UBAC2: variants seen among roughly 807,000 people sequenced by gnomAD.
UBAC2 encodes ubiquitin-associated domain-containing protein 2.
In UBAC2, 26 loss-of-function variants were observed where a neutral mutation model predicts 44.0. The ratio of observed to expected loss-of-function variants is 0.59; its 90% confidence interval spans 0.43 to 0.82. The LOEUF (loss-of-function observed/expected upper bound fraction) is 0.82. Among genes scored for constraint, UBAC2 ranks in the 40% least tolerant of loss-of-function variants. UBAC2 has a pLI of 0.00. For missense variants in UBAC2, 329 were observed against 419.4 expected (o/e 0.78, Z 1.88); for synonymous variants, 155 against 154.3 (o/e 1.00, Z -0.04).
rs142704028 is a variant in UBAC2, at chr13:99,236,694, A to G, written c.32-1733A>G. ...GTGAAACCCCGTCTCTACTAAAAAT[A>G]CAGAAATTAGCTGGGCATGGTGGTG... On this transcript the variant is annotated intron_variant, in intron 1 of 8. Transcript: ENST00000403766. Among the ~76,000 whole-genome samples the G allele has an allele frequency of 7.4e-3, 1,132 of 152,294 alleles. 10 individuals are homozygous for G. The highest frequency in any genetic ancestry group is 0.057 in the South Asian group (273 of 4,818).
At chr13:99,339,840 A>T (rs1031320904) in intron 6 of UBAC2, among the ~76,000 whole-genome samples, 1 of 152,254 alleles carries the variant, frequency 6.6e-6, no homozygotes, top group Non-Finnish European at 1.5e-5. Flanking sequence ...CACTATGTAA[A>T]TAAAAACCAA....
At chr13:99,312,433 C>CAT (rs1419259047) in intron 4 of UBAC2, among the ~76,000 whole-genome samples, 3 of 152,340 alleles carry the variant, frequency 2.0e-5, no homozygotes, top group Middle Eastern at 6.8e-3. Flanking sequence ...CCACTCTACT[C>CAT]ATTCATATTA....
At chr13:99,219,539 G>A (rs1371698788) in intron 1 of UBAC2, among the ~76,000 whole-genome samples, 1 of 152,146 alleles carries the variant, frequency 6.6e-6, no homozygotes, top group African/African-American at 2.4e-5. Flanking sequence ...TTTGAATGCA[G>A]CCCAACACAA....
chr13:99,341,167 G>T (rs2044879485), intron 7 of UBAC2, among the ~76,000 whole-genome samples: 1 of 152,208 alleles, frequency 6.6e-6, no homozygotes, highest in African/African-American at 2.4e-5. Context: ...TGCACATCAG[G>T]CTAAAACCTC....
intron 4 of UBAC2, among the ~76,000 whole-genome samples, chr13:99,278,868 C>T (rs536287313): frequency 3.9e-5 from 6 of 152,238 alleles, no homozygotes; most frequent in South Asian, 4.1e-4. Context: ...AATCTAAAAC[C>T]GCCATGCCTC....
At chr13:99,296,191 A>C in intron 4 of UBAC2, 2 of 1,513,802 alleles carry the variant, frequency 1.3e-6, no homozygotes, top group Non-Finnish European at 1.8e-6. Flanking sequence ...AGGATCATAT[A>C]AGTAAAAGCA....
chr13:99,251,035 GAGCCACCA>G (rs2043452530), intron 4 of UBAC2, among the ~76,000 whole-genome samples: 1 of 152,154 alleles, frequency 6.6e-6, no homozygotes, highest in Admixed American at 6.5e-5. Context: ...TTATAGGCAT[GAGCCACCA>G]AGCCTGGCCA....
intron 4 of UBAC2, among the ~76,000 whole-genome samples, chr13:99,312,176 T>A (rs891939034): frequency 2.6e-5 from 4 of 152,256 alleles, no homozygotes; most frequent in African/African-American, 9.6e-5. Flanking sequence ...GTGCATTTTT[T>A]AAAATAACGT....
At chr13:99,316,252 G>C (rs2044487996) in intron 5 of UBAC2, among the ~76,000 whole-genome samples, 1 of 151,914 alleles carries the variant, frequency 6.6e-6, no homozygotes, top group Admixed American at 6.6e-5. Flanking sequence ...TGACTGTCTG[G>C]TGTCAACTCC....
At chr13:99,262,710 CAAAAAAAAAAAAA>C (rs61627160) in intron 4 of UBAC2, among the ~76,000 whole-genome samples, 7 of 57,164 alleles carry the variant, frequency 1.2e-4, no homozygotes, top group East Asian at 4.5e-4. Context: ...AACTCCCTCT[CAAAAAAAAAAAAA>C]AAAAAAAAAA....
intron 1 of UBAC2, 151 bp downstream of exon 1, chr13:99,201,090 C>A: frequency 7.4e-7 from 1 of 1,351,896 alleles, no homozygotes; most frequent in South Asian, 2.2e-5. Flanking sequence ...AGTTCCCGGT[C>A]TTGGGGGTCA....
chr13:99,360,699 G>A (rs2045253850), intron 7 of UBAC2, among the ~76,000 whole-genome samples: 1 of 152,078 alleles, frequency 6.6e-6, no homozygotes, highest in Non-Finnish European at 1.5e-5. Flanking sequence ...TTAATATTCA[G>A]CCCCAGCCCC....
Position 99,385,457 on chromosome 13 carries a change from T to C in UBAC2, c.*122T>C. 1 of 768,572 alleles carries C rather than the reference T, an allele frequency of 1.3e-6. No individual in the cohort carries two copies. The highest frequency in any genetic ancestry group is 2.2e-6 in the Non-Finnish European group (1 of 458,762). The allele number at this position is 768,572 out of a possible 1,614,324, so 47.6% of individuals were successfully genotyped here. A position where few individuals can be genotyped will look rare whatever the true frequency, so the allele number is the denominator to read the frequency against. Reference sequence around the variant, plus strand: ...GATGTTCTTGTGGGAAGAGGGAGGTTCCACCGCACCCCTGCCCTCAACCGC... The same window carrying C: ...GATGTTCTTGTGGGAAGAGGGAGGTCCCACCGCACCCCTGCCCTCAACCGC... On this transcript the variant is annotated 3_prime_UTR_variant, in exon 9 of 9. Transcript: ENST00000403766.
intron 4 of UBAC2, among the ~76,000 whole-genome samples, chr13:99,262,224 C>G (rs1038162541): frequency 6.6e-6 from 1 of 152,144 alleles, no homozygotes; most frequent in African/African-American, 2.4e-5. Flanking sequence ...CACAAAGGTA[C>G]TGAGCCTAAT....
At position 99,201,452 on chromosome 13, in the gene UBAC2, A is replaced by C. The variant is rs369556566; in HGVS notation, c.31+513A>C. ...AGTCTCCAAGAAGAGTTTTTAGACA[A>C]ACACACACTGATGAGAGTGCTTTCA... On this transcript the variant is annotated intron_variant, in intron 1 of 8. Transcript: ENST00000403766. 3.1e-6 allele frequency: 5 copies of C among 1,614,086 alleles called. No individual in the cohort carries two copies. The Admixed American group carries it at 5.0e-5, about 16-fold the overall frequency.
At chr13:99,250,681 A>C (rs946319547) in intron 4 of UBAC2, among the ~76,000 whole-genome samples, 3 of 152,002 alleles carry the variant, frequency 2.0e-5, no homozygotes, top group Non-Finnish European at 4.4e-5. Flanking sequence ...TTTTAATGAT[A>C]TTGATTGTTT....
Position 99,255,037 on chromosome 13 carries a change from G to A in UBAC2, c.389+10413G>A, listed in dbSNP as rs746959412. On this transcript the variant is annotated intron_variant, in intron 4 of 8. Transcript: ENST00000403766. ...GTAGTAGAGAATCACATCCAGACAC[G>A]TGCTGAGGTTCATGAGGAAGGTGGT... 1.9e-5 allele frequency: 30 copies of A among 1,613,990 alleles called. No homozygotes were observed. Among genetic ancestry groups the A allele is most frequent in the African/African-American group, 8.0e-5 (6 of 74,894 alleles).
intron 4 of UBAC2, among the ~76,000 whole-genome samples, chr13:99,310,704 A>G (rs1022207491): frequency 1.3e-5 from 2 of 152,244 alleles, no homozygotes; most frequent in African/African-American, 2.4e-5. Flanking sequence ...TTAAACTTCT[A>G]TTGGTATGTG....
chr13:99,356,627 T>G (rs2045187988), intron 7 of UBAC2, among the ~76,000 whole-genome samples: 1 of 152,046 alleles, frequency 6.6e-6, no homozygotes, highest in Non-Finnish European at 1.5e-5. Context: ...TTCCCTCTAG[T>G]TTATTATTTT....
Sources: gnomAD v4.1 joint callset for allele counts (sites outside exome capture counted in the v4.1 genomes callset) on GRCh38, gnomAD v4.1.1 for gene constraint, MANE v1.5 for transcripts, NCBI Gene and HGNC (gene_info 2026-07-23, HGNC 2026-07-21) for gene names.